The following AATK variants were observed in gnomAD, a reference collection of about 807,000 sequenced individuals.
The protein encoded by AATK is lemur tail kinase 1.
Under a neutral mutation model 114.3 loss-of-function variants are expected in AATK, and 91 were observed. The observed-to-expected ratio is 0.80, with a 90% CI of 0.67 to 0.95. The LOEUF (loss-of-function observed/expected upper bound fraction) is 0.95, where lower values mean the gene tolerates loss of function less well. AATK is among the 40% of genes least tolerant of loss of function. The probability of loss-of-function intolerance (pLI) is 0.00; values close to 1 mark genes in which losing one functional copy is unlikely to be tolerated. For missense variants in AATK, 2,176 were observed against 1,965.2 expected, an observed-to-expected ratio of 1.11 and a Z score of -2.03; for synonymous variants, 1,075 against 916.5, an observed-to-expected ratio of 1.17 and a Z score of -3.12.
At chr17:81,162,752 A>G (rs1441713034) in intron 1 of AATK, among the ~76,000 whole-genome samples, 1 of 152,040 alleles carries the variant, frequency 6.6e-6, no homozygotes, top group Non-Finnish European at 1.5e-5. Flanking sequence ...GGAACCCCCC[A>G]TGGCGCCTGG....
intron 1 of AATK, among the ~76,000 whole-genome samples, chr17:81,153,030 C>T (rs1960014870): frequency 6.6e-6 from 1 of 152,112 alleles, no homozygotes; most frequent in Non-Finnish European, 1.5e-5. Context: ...TTTGTAGAGA[C>T]AGGGTTTCAC....
At chr17:81,137,404 G>GT (rs1390296743) in intron 1 of AATK, among the ~76,000 whole-genome samples, 7 of 152,112 alleles carry the variant, frequency 4.6e-5, no homozygotes, top group Non-Finnish European at 1.0e-4. Flanking sequence ...AGGAGGGGGG[G>GT]TTCCCACAGT....
At position 81,122,087 on chromosome 17, in the gene AATK, G is replaced by A. The variant is rs767307263; in HGVS notation, c.1849C>T (p.Leu617=). 8.2e-6 allele frequency: 13 copies of A among 1,581,640 alleles called. No homozygotes were observed. Among genetic ancestry groups the A allele is most frequent in the Non-Finnish European group, 1.1e-5 (13 of 1,171,028 alleles). The change falls in exon 11 of 14, where the codon CTG becomes TTG. Residue 617 remains leucine, a synonymous_variant. Transcript: ENST00000326724. ...TCCGCTCCTCCCTCCGCCAGACTCA[G>A]GGGCCCCGCCGAGGGCGAGGGAGAG... ...SRSPSPSAGP[L]SLAEGGAEDA... is the part of the protein sequence containing the mutation.
chr17:81,120,598 T>C lies in AATK; in HGVS notation c.3338A>G (p.Asn1113Ser), dbSNP rs2060687466. 1 of 1,548,950 alleles carries C rather than the reference T, an allele frequency of 6.5e-7. No homozygotes were observed. The highest frequency in any genetic ancestry group is 8.7e-7 in the Non-Finnish European group (1 of 1,150,758). ...TGGGGGCCCCTGGAACTCAGAGCTGTTGCCTTCTGATCTCAGCGGAACCGG... is the reference window on the plus strand; with the variant it reads ...TGGGGGCCCCTGGAACTCAGAGCTGCTGCCTTCTGATCTCAGCGGAACCGG... ...LTPVPLRSEGNSSEFQGPPGL... is the reference protein window; with the variant it reads ...LTPVPLRSEGSSSEFQGPPGL... Residue 1113 changes from asparagine (N) to serine (S), a missense_variant, in exon 11 of 14, where the codon AAC becomes AGC. By Grantham distance (46) the Asn-to-Ser change is conservative. This residue lies in a region of AATK where 1,701 missense variants were observed against 1,394.7 expected (regional missense o/e 1.22). Transcript: ENST00000326724.
chr17:81,135,031 A>G (rs527688017), intron 1 of AATK, among the ~76,000 whole-genome samples: 1 of 152,292 alleles, frequency 6.6e-6, no homozygotes, highest in East Asian at 1.9e-4. Context: ...TGCCTCTGCC[A>G]GGCAGCAGGG....
At chr17:81,155,230 G>A (rs1308131155) in intron 1 of AATK, among the ~76,000 whole-genome samples, 1 of 152,164 alleles carries the variant, frequency 6.6e-6, no homozygotes, top group Admixed American at 6.5e-5. Context: ...CACGTGTGGC[G>A]GTGACCATCA....
intron 1 of AATK, among the ~76,000 whole-genome samples, chr17:81,145,244 A>G (rs1254723420): frequency 1.2e-5 from 1 of 86,924 alleles, no homozygotes; most frequent in Non-Finnish European, 2.3e-5. Context: ...CAAAAAAAAA[A>G]AAAAAAGAAA....
intron 1 of AATK, among the ~76,000 whole-genome samples, chr17:81,140,595 A>T (rs879451113): frequency 2.5e-4 from 36 of 142,850 alleles, no homozygotes; most frequent in Non-Finnish European, 4.9e-4. Flanking sequence ...TCTTTGGATG[A>T]GGGAGGCAGG....
At chr17:81,155,771 G>A (rs1206901193) in intron 1 of AATK, among the ~76,000 whole-genome samples, 1 of 151,500 alleles carries the variant, frequency 6.6e-6, no homozygotes, top group African/African-American at 2.4e-5. Flanking sequence ...CTGCAGCCTC[G>A]AACTCCTGGG....
chr17:81,118,159 A>AG lies in AATK; in HGVS notation c.*242dup. On this transcript the variant is annotated 3_prime_UTR_variant, in exon 14 of 14. Transcript: ENST00000326724. ...ACCCACTGTGGCTCCAGGCGCCCCC[A>AG]GGGGCTAGCAGCAAGCCTAAAAGCC... The AG allele has an allele frequency of 1.8e-6, 1 of 545,700 alleles. No homozygotes were observed. Among genetic ancestry groups the AG allele is most frequent in the Non-Finnish European group, 3.3e-6 (1 of 304,702 alleles). The allele number at this position is 545,700 out of a possible 1,614,324, so 33.8% of individuals were successfully genotyped here.
chr17:81,123,723 G>A (rs537020643), intron 9 of AATK, among the ~76,000 whole-genome samples: 1 of 151,490 alleles, frequency 6.6e-6, no homozygotes, highest in Non-Finnish European at 1.5e-5. Flanking sequence ...CCAGCAGGGG[G>A]CTGAGGGAGG....
intron 1 of AATK, among the ~76,000 whole-genome samples, chr17:81,160,993 C>T (rs1401133743): frequency 6.6e-6 from 1 of 152,216 alleles, no homozygotes; most frequent in Non-Finnish European, 1.5e-5. Flanking sequence ...CCCAGCCAAG[C>T]GCCCTGGAGG....
chr17:81,140,888 CGTGAGCT>C lies in AATK; in HGVS notation c.56-6394_56-6388del, dbSNP rs1729830420. On this transcript the variant is annotated intron_variant, in intron 1 of 13. Coordinates refer to ENST00000326724, the MANE Select transcript of AATK (RefSeq NM_001080395.3). ...CCGTGAGCCGTGGGGCCGTGGGGAC[CGTGAGCT>C]GTGAGCCGTGGGGCCGTGGGGCCGT... Among the ~76,000 whole-genome samples the C allele has an allele frequency of 2.8e-5, 2 of 72,596 alleles. 1 individual carries two copies. Among genetic ancestry groups the C allele is most frequent in the African/African-American group, 1.3e-4 (2 of 15,856 alleles). The allele number at this position is 72,596 out of a possible 152,430, so 47.6% of individuals were successfully genotyped here.
At position 81,166,080 on chromosome 17, in the gene AATK, G is replaced by T; in HGVS notation, c.-88C>A. Reference sequence around the variant, plus strand: ...GGCCCGAGCCGCCGCATCACCCAGCGGCCGCCGCAGGTGCGGAGCGCGCCG... The same window carrying T: ...GGCCCGAGCCGCCGCATCACCCAGCTGCCGCCGCAGGTGCGGAGCGCGCCG... On this transcript the variant is annotated 5_prime_UTR_variant, in exon 1 of 14. Transcript: ENST00000326724. 3 of 915,132 alleles carry T rather than the reference G, an allele frequency of 3.3e-6. No individual in the cohort carries two copies. The highest frequency in any genetic ancestry group is 2.7e-6 in the Non-Finnish European group (2 of 739,004). 56.7% of individuals were successfully genotyped at this position (915,132 alleles called of 1,614,324 possible).
At chr17:81,141,450 CAAAAG>C (rs1323131097) in intron 1 of AATK, among the ~76,000 whole-genome samples, 5 of 152,116 alleles carry the variant, frequency 3.3e-5, no homozygotes, top group South Asian at 4.1e-4. Flanking sequence ...CTGTCCCCCC[CAAAAG>C]AAAAGAAAGT....
intron 1 of AATK, among the ~76,000 whole-genome samples, chr17:81,144,809 A>G (rs951639590): frequency 1.3e-5 from 2 of 152,250 alleles, no homozygotes; most frequent in African/African-American, 4.8e-5. Flanking sequence ...CAGCGTGGAA[A>G]AAGAAAGCAC....
intron 7 of AATK, among the ~76,000 whole-genome samples, chr17:81,125,538 T>TG (rs901583006): frequency 1.1e-4 from 17 of 152,104 alleles, no homozygotes; most frequent in African/African-American, 3.9e-4. Flanking sequence ...GCCCCAGGGT[T>TG]GGGTAGGGTC....
rs758161250 is a variant in AATK, at chr17:81,121,890, C to G, written c.2046G>C (p.Val682=). The G allele has an allele frequency of 3.1e-5, 49 of 1,600,268 alleles. No individual in the cohort carries two copies. In the South Asian group the frequency reaches 5.3e-4, roughly 17 times the overall value. ...GGCTGCCGCTGTTGTTGTTGGCTGA[C>G]ACGTTGGAGCGCCAGTGCCCGCGCT... ...AAQRGHWRSN[V]SANNNSGSRC... Residue 682 remains valine (V), a synonymous_variant, in exon 11 of 14, where the codon GTG becomes GTC. Coordinates refer to ENST00000326724, the MANE Select transcript of AATK (RefSeq NM_001080395.3).
At chr17:81,162,078 CCCCTCCCCGAGTGCCGACACCCACA>C (rs1335161087) in intron 1 of AATK, among the ~76,000 whole-genome samples, 1 of 152,006 alleles carries the variant, frequency 6.6e-6, no homozygotes, top group East Asian at 1.9e-4. Flanking sequence ...TCACACCCAC[CCCCTCCCCGAGTGCCGACACCCACA>C]CCCTCCCCGA....
Sources: allele counts gnomAD v4.1 joint callset (sites outside exome capture counted in the v4.1 genomes callset), GRCh38; gene constraint gnomAD v4.1.1; regional missense constraint gnomAD v4.1.1; transcripts MANE v1.5; gene names NCBI Gene and HGNC (gene_info 2026-07-23, HGNC 2026-07-21).